Variants in NIPA1 observed in about 807,000 individuals in gnomAD.
NIPA1 encodes the protein NIPA magnesium transporter 1, also known as magnesium transporter NIPA1.
Under a neutral mutation model 23.9 loss-of-function variants are expected in NIPA1, and 13 were observed. That is an observed-to-expected ratio of 0.54 (90% CI 0.35 to 0.87). The LOEUF (loss-of-function observed/expected upper bound fraction) is 0.87. Ranked by LOEUF, NIPA1 falls within the 40% of genes least tolerant of loss-of-function variation. NIPA1 has a pLI of 0.01. For missense variants in NIPA1, 362 were observed against 429.7 expected, an observed-to-expected ratio of 0.84 and a Z score of 1.39; for synonymous variants, 234 against 202.9, an observed-to-expected ratio of 1.15 and a Z score of -1.30.
At chr15:22,822,504 C>T (rs374934281) in intron 4 of NIPA1, among the ~76,000 whole-genome samples, 5 of 152,132 alleles carry the variant, frequency 3.3e-5, no homozygotes, top group African/African-American at 9.7e-5. Context: ...TTTGAAACCT[C>T]GGAGCATCTC....
chr15:22,807,962 A>AT (rs955416345), intron 1 of NIPA1, among the ~76,000 whole-genome samples: 5 of 150,800 alleles, frequency 3.3e-5, no homozygotes, highest in Admixed American at 2.0e-4. Flanking sequence ...TTTTTTTTGT[A>AT]TTTTTTTTAG....
At chr15:22,817,880 C>T (rs1189943660) in intron 3 of NIPA1, among the ~76,000 whole-genome samples, 1 of 151,872 alleles carries the variant, frequency 6.6e-6, no homozygotes, top group African/African-American at 2.4e-5. Context: ...AAAGCAATTT[C>T]ATATGCAGTA....
Position 22,786,816 on chromosome 15 carries a change from G to C in NIPA1, c.160G>C (p.Val54Leu), listed in dbSNP as rs2140841523. The change falls in exon 1 of 5, where the codon GTG becomes CTG. Residue 54 changes from valine (V) to leucine (L), a missense_variant. By Grantham distance (32) the Val-to-Leu change is conservative. This residue lies in a region of NIPA1 where 277 missense variants were observed against 372.0 expected (regional missense o/e 0.74). Coordinates refer to ENST00000337435, the MANE Select transcript of NIPA1 (RefSeq NM_144599.5). ...GTTCGTGCTACAGAAGAAGGGCATCGTGCGTGCCAAGCGGCGAGGTAGGGC... is the reference window on the plus strand; with the variant it reads ...GTTCGTGCTACAGAAGAAGGGCATCCTGCGTGCCAAGCGGCGAGGTAGGGC... ...STFVLQKKGI[V>L]RAKRRGTSYL... The C allele has an allele frequency of 7.9e-7, 1 of 1,259,404 alleles. No homozygotes were observed. 78.0% of individuals were successfully genotyped at this position (1,259,404 alleles called of 1,614,324 possible).
chr15:22,787,644 A>G (rs886789881), intron 1 of NIPA1, among the ~76,000 whole-genome samples: 24 of 152,162 alleles, frequency 1.6e-4, no homozygotes, highest in African/African-American at 5.8e-4. Context: ...AATGCAGGAT[A>G]TGGCAGGCTG....
intron 4 of NIPA1, among the ~76,000 whole-genome samples, chr15:22,822,921 T>G (rs923689253): frequency 3.5e-4 from 46 of 131,850 alleles, no homozygotes; most frequent in East Asian, 1.3e-3. Context: ...TTTTTTTTTT[T>G]TTTTTTTTTT....
intron 4 of NIPA1, among the ~76,000 whole-genome samples, chr15:22,823,153 G>A (rs1006014818): frequency 6.6e-6 from 1 of 150,512 alleles, no homozygotes; most frequent in Non-Finnish European, 1.5e-5. Flanking sequence ...TCTCCTGATC[G>A]GCCCACCTCG....
At chr15:22,806,296 T>TG (rs1259840763) in intron 1 of NIPA1, among the ~76,000 whole-genome samples, 1 of 152,232 alleles carries the variant, frequency 6.6e-6, no homozygotes, top group African/African-American at 2.4e-5. Flanking sequence ...TGCCCCTGGT[T>TG]GGACAGCATC....
intron 1 of NIPA1, among the ~76,000 whole-genome samples, chr15:22,795,907 G>C (rs1039739957): frequency 9.2e-5 from 14 of 152,020 alleles, no homozygotes; most frequent in African/African-American, 3.4e-4. Context: ...GTGGTTAGGG[G>C]GAAGATAGAT....
At chr15:22,820,605 A>G in intron 4 of NIPA1, 132 bp downstream of exon 4, 1 of 788,818 alleles carries the variant, frequency 1.3e-6, no homozygotes, top group Non-Finnish European at 2.3e-6. Context: ...GTTACTGTAG[A>G]TCTGTGTTCT....
At chr15:22,817,268 G>C (rs1036893854) in intron 3 of NIPA1, among the ~76,000 whole-genome samples, 1 of 151,672 alleles carries the variant, frequency 6.6e-6, no homozygotes, top group African/African-American at 2.4e-5. Context: ...GGGAGGCTGA[G>C]GTGGGTGGAT....
intron 1 of NIPA1, among the ~76,000 whole-genome samples, chr15:22,809,580 A>C (rs1220714447): frequency 2.6e-5 from 4 of 151,904 alleles, no homozygotes; most frequent in African/African-American, 7.3e-5. Context: ...CCCCGTCTCT[A>C]CTAAAAATTC....
rs532929002 is a variant in NIPA1 at position 22,795,309 on chromosome 15, C to T, written c.178+8475C>T. ...GAGATAAAGGAGGGCTGCTGCGTACCGAAGCCCCATGGTGTCCCAGACTCA... is the reference window on the plus strand; with the variant it reads ...GAGATAAAGGAGGGCTGCTGCGTACTGAAGCCCCATGGTGTCCCAGACTCA... On this transcript the variant is annotated intron_variant, in intron 1 of 4. Coordinates refer to ENST00000337435, the MANE Select transcript of NIPA1 (RefSeq NM_144599.5). Among the ~76,000 whole-genome samples the T allele has an allele frequency of 2.6e-4, 39 of 152,142 alleles. 1 individual carries two copies. The South Asian group carries it at 5.8e-3, about 23-fold the overall frequency.
At chr15:22,815,626 C>T (rs1390934468) in intron 3 of NIPA1, among the ~76,000 whole-genome samples, 1 of 151,336 alleles carries the variant, frequency 6.6e-6, no homozygotes, top group Non-Finnish European at 1.5e-5. Context: ...TCCCCCGCCC[C>T]CCAAAAAAAC....
chr15:22,786,660 G>C lies in NIPA1; in HGVS notation c.4G>C (p.Gly2Arg). 1 of 1,061,378 alleles carries C rather than the reference G, an allele frequency of 9.4e-7. No homozygotes were observed. Among genetic ancestry groups the C allele is most frequent in the Non-Finnish European group, 1.1e-6 (1 of 877,900 alleles). 65.7% of individuals were successfully genotyped at this position (1,061,378 alleles called of 1,614,324 possible). A position where few individuals can be genotyped will look rare whatever the true frequency, so the allele number is the denominator to read the frequency against. M[G>R]TAAAAAAAAA... Reference sequence around the variant, plus strand: ...TCGGAGGGCGGGCGCGGGCGGAATGGGGACTGCAGCTGCGGCAGCGGCGGC... The same window carrying C: ...TCGGAGGGCGGGCGCGGGCGGAATGCGGACTGCAGCTGCGGCAGCGGCGGC... Residue 2 changes from glycine (G) to arginine (R), a missense_variant, in exon 1 of 5, where the codon GGG becomes CGG. Around this residue, in one of 2 missense-constraint regions of NIPA1, gnomAD observed 85 missense variants for 57.7 expected, o/e 1.47. Coordinates refer to ENST00000337435, the MANE Select transcript of NIPA1 (RefSeq NM_144599.5).
intron 1 of NIPA1, among the ~76,000 whole-genome samples, chr15:22,795,131 A>G (rs745767091): frequency 3.3e-5 from 5 of 152,034 alleles, no homozygotes; most frequent in African/African-American, 9.7e-5. Flanking sequence ...CTACTAAGCA[A>G]CAGAATCTAG....
chr15:22,791,121 C>T (rs562614866), intron 1 of NIPA1, among the ~76,000 whole-genome samples: 1 of 152,196 alleles, frequency 6.6e-6, no homozygotes, highest in Admixed American at 6.5e-5. Context: ...TCAGGTTAAC[C>T]CAGCTAGCCT....
intron 4 of NIPA1, among the ~76,000 whole-genome samples, chr15:22,822,778 G>A (rs1479927426): frequency 6.6e-6 from 1 of 151,864 alleles, no homozygotes; most frequent in Non-Finnish European, 1.5e-5. Context: ...AGTGAGCAGA[G>A]ATCGTGCTAT....
At chr15:22,803,675 A>ATTTTTTTTT (rs34811722) in intron 1 of NIPA1, among the ~76,000 whole-genome samples, 1 of 71,090 alleles carries the variant, frequency 1.4e-5, no homozygotes, top group African/African-American at 6.6e-5. Flanking sequence ...GGCCCGGCTA[A>ATTTTTTTTT]TTTTTTTTTT....
Position 22,823,468 on chromosome 15 carries a change from G to T in NIPA1, c.479-260G>T, listed in dbSNP as rs543203412. On this transcript the variant is annotated intron_variant, in intron 4 of 4. Transcript: ENST00000337435. ...ACCTGCCTTGGCCCCCCAAAGTGCT[G>T]GGATTACAGGCATGAGCCACCGCGT... 3.0e-4 allele frequency among the ~76,000 whole-genome samples: 45 copies of T among 152,300 alleles called. 1 individual carries two copies. The East Asian group carries it at 7.7e-3, about 26-fold the overall frequency.
Sources: allele counts gnomAD v4.1 joint callset (sites outside exome capture counted in the v4.1 genomes callset), GRCh38; gene constraint gnomAD v4.1.1; regional missense constraint gnomAD v4.1.1; transcripts MANE v1.5; gene names NCBI Gene and HGNC (gene_info 2026-07-23, HGNC 2026-07-21).